The following ZNF610 variants were observed in gnomAD, a reference collection of about 807,000 sequenced individuals.
ZNF610 encodes the protein zink finger protein.
ZNF610 carries 14 observed loss-of-function variants against 14.1 expected under a neutral mutation model. That is an observed-to-expected ratio of 0.99 (90% CI 0.65 to 1.55). The LOEUF is 1.55. ZNF610 is among the 40% of genes most tolerant of loss of function. The pLI is 0.00. For synonymous variants in ZNF610, 185 were observed against 187.6 expected, an observed-to-expected ratio of 0.99 and a Z score of 0.11; for missense variants, 530 against 558.0, an observed-to-expected ratio of 0.95 and a Z score of 0.51.
At chr19:52,353,138 C>T (rs186121473) in intron 3 of ZNF610, among the ~76,000 whole-genome samples, 18 of 152,264 alleles carry the variant, frequency 1.2e-4, no homozygotes, top group Admixed American at 3.3e-4. Flanking sequence ...CAGGGTTTCA[C>T]CATGTTGGCC....
upstream of ZNF610, among the ~76,000 whole-genome samples, chr19:52,334,922 C>T (rs10426367): frequency 2.0e-5 from 3 of 149,898 alleles, no homozygotes; most frequent in African/African-American, 7.5e-5. Flanking sequence ...GAGCAAGACT[C>T]TGTCTCAAAA....
At chr19:52,346,523 C>G (rs1253683395) in intron 1 of ZNF610, among the ~76,000 whole-genome samples, 1 of 152,066 alleles carries the variant, frequency 6.6e-6, no homozygotes, top group Admixed American at 6.5e-5. Context: ...GTCTCGAACT[C>G]TTGGCCTGGT....
In ZNF610 at chr19:52,366,862, TTA is replaced by T; in HGVS notation, c.*96_*97del. On this transcript the variant is annotated 3_prime_UTR_variant, in exon 6 of 6. Coordinates refer to ENST00000403906, the MANE Select transcript of ZNF610 (RefSeq NM_001161425.2). Reference sequence around the variant, plus strand: ...AAATATCATAAATGTGGCAAAGAATTTAGTTTGCATTGAAGCCTCATCACTCA... The same window carrying T: ...AAATATCATAAATGTGGCAAAGAATTGTTTGCATTGAAGCCTCATCACTCA... 1.6e-5 allele frequency: 16 copies of T among 976,678 alleles called. No individual in the cohort carries two copies. Among genetic ancestry groups the T allele is most frequent in the Non-Finnish European group, 2.1e-5 (14 of 664,828 alleles). 60.5% of individuals were successfully genotyped at this position (976,678 alleles called of 1,614,324 possible). A position where few individuals can be genotyped will look rare whatever the true frequency, so the allele number is the denominator to read the frequency against.
chr19:52,365,957 G>T lies in ZNF610; in HGVS notation c.579G>T (p.Glu193Asp), dbSNP rs893747937. Residue 193 changes from glutamate to aspartate, a missense_variant, in exon 6 of 6, where the codon GAG (glutamate) becomes GAT (aspartate). Transcript: ENST00000403906. ...LIDFPLLPQEEKAYIRGKSYE... is the reference protein window; with the variant it reads ...LIDFPLLPQEDKAYIRGKSYE... ...ATTTCCCATTACTCCCACAAGAAGAGAAAGCATACATTAGAGGAAAATCTT... is the reference window on the plus strand; with the variant it reads ...ATTTCCCATTACTCCCACAAGAAGATAAAGCATACATTAGAGGAAAATCTT... The T allele has an allele frequency of 6.2e-7, 1 of 1,613,932 alleles. No individual in the cohort carries two copies. Among genetic ancestry groups the T allele is most frequent in the Admixed American group, 1.7e-5 (1 of 60,010 alleles).
chr19:52,331,192 A>T, the ZNF610 span, among the ~76,000 whole-genome samples: 1 of 152,232 alleles, frequency 6.6e-6, no homozygotes, highest in African/African-American at 2.4e-5. Context: ...AAGGGGATTA[A>T]GTAATGTTAA....
chr19:52,342,449 ACAGCCGATCACTCC>A (rs1568645712), intron 1 of ZNF610, among the ~76,000 whole-genome samples: 3 of 151,940 alleles, frequency 2.0e-5, no homozygotes, highest in African/African-American at 7.3e-5. Flanking sequence ...AGCAATTTGC[ACAGCCGATCACTCC>A]CTCTTCTTTT....
intron 1 of ZNF610, among the ~76,000 whole-genome samples, chr19:52,340,247 A>G (rs933566429): frequency 6.6e-6 from 1 of 152,122 alleles, no homozygotes; most frequent in South Asian, 2.1e-4. Flanking sequence ...AGCTGGGCGT[A>G]GTGGCTTGTG....
intron 1 of ZNF610, among the ~76,000 whole-genome samples, chr19:52,343,729 G>T (rs150495254): frequency 4.6e-5 from 7 of 152,252 alleles, no homozygotes; most frequent in South Asian, 2.1e-4. Flanking sequence ...CCCGCTAGAG[G>T]GCAGTGCTGG....
At chr19:52,353,875 C>A in intron 4 of ZNF610, 67 bp downstream of exon 4, 1 of 1,538,922 alleles carries the variant, frequency 6.5e-7, no homozygotes, top group Non-Finnish European at 8.7e-7. Context: ...CTCTTGCGTG[C>A]CTCTTGGGAG....
chr19:52,330,471 A>T, the ZNF610 span: 1 of 152,224 alleles, frequency 6.6e-6, no homozygotes, highest in African/African-American at 2.4e-5. Context: ...CACAGTTATT[A>T]GTTTACCTTT....
At chr19:52,356,620 A>G (rs1985533567) in intron 5 of ZNF610, among the ~76,000 whole-genome samples, 1 of 152,210 alleles carries the variant, frequency 6.6e-6, no homozygotes, top group Non-Finnish European at 1.5e-5. Context: ...CTGACACTCC[A>G]GAAATTTTTG....
chr19:52,349,812 A>G (rs1220788702), intron 3 of ZNF610, among the ~76,000 whole-genome samples: 2 of 152,054 alleles, frequency 1.3e-5, no homozygotes, highest in African/African-American at 4.8e-5. Context: ...CTCGTGATCC[A>G]CCTGCCTCGG....
chr19:52,348,207 G>A (rs894605263), intron 2 of ZNF610: 8 of 152,060 alleles, frequency 5.3e-5, no homozygotes, highest in East Asian at 3.9e-4. Context: ...TCTCAGAACC[G>A]GTCCCATTAC....
chr19:52,351,879 G>A (rs904255824), intron 3 of ZNF610, among the ~76,000 whole-genome samples: 17 of 152,176 alleles, frequency 1.1e-4, no homozygotes, highest in African/African-American at 3.1e-4. Flanking sequence ...ATGGCGCGTC[G>A]TGCCTGAGCA....
chr19:52,335,197 C>A (rs1185612424), upstream of ZNF610, among the ~76,000 whole-genome samples: 4 of 151,518 alleles, frequency 2.6e-5, no homozygotes, highest in Non-Finnish European at 1.5e-5. Flanking sequence ...CCCAGCTACT[C>A]AGGAGGCTGA....
chr19:52,363,126 C>CT (rs201606200), intron 5 of ZNF610, among the ~76,000 whole-genome samples: 2,045 of 148,002 alleles, frequency 0.014, 35 homozygotes, highest in African/African-American at 0.041. Flanking sequence ...GGTTCTATCC[C>CT]CTTTTTTTTT....
At chr19:52,357,755 C>T (rs1985600697) in intron 5 of ZNF610, among the ~76,000 whole-genome samples, 1 of 151,942 alleles carries the variant, frequency 6.6e-6, no homozygotes, top group South Asian at 2.1e-4. Flanking sequence ...GAGTTTAAGG[C>T]TGCAGTGAGC....
At chr19:52,340,670 A>AATTATT (rs34182877) in intron 1 of ZNF610, among the ~76,000 whole-genome samples, 1,469 of 146,116 alleles carry the variant, frequency 0.01, 13 homozygotes, top group South Asian at 0.034. Context: ...TTGTCTAGGA[A>AATTATT]ATTATTATTA....
At chr19:52,353,946 T>C in intron 4 of ZNF610, 138 bp downstream of exon 4, 3 of 1,191,150 alleles carry the variant, frequency 2.5e-6, no homozygotes, top group Non-Finnish European at 3.5e-6. Flanking sequence ...AGCTCTATTA[T>C]GCTCTCTGGA....
Sources: gnomAD v4.1 joint callset for allele counts (sites outside exome capture counted in the v4.1 genomes callset) on GRCh38, gnomAD v4.1.1 for gene constraint, MANE v1.5 for transcripts, NCBI Gene and HGNC (gene_info 2026-07-23, HGNC 2026-07-21) for gene names.